Variants in GDPD4 observed in about 807,000 individuals in gnomAD.
The protein encoded by GDPD4 is glycerophosphodiester phosphodiesterase domain containing 4.
Under a neutral mutation model 67.8 loss-of-function variants are expected in GDPD4, and 60 were observed. The observed-to-expected ratio is 0.88, with a 90% CI of 0.72 to 1.10. The LOEUF is 1.10. Among genes scored for constraint, GDPD4 ranks in the 50% least tolerant of loss-of-function variants. The pLI is 0.00. For synonymous variants in GDPD4, 212 were observed against 210.9 expected, an observed-to-expected ratio of 1.00 and a Z score of -0.04; for missense variants, 623 against 613.9, an observed-to-expected ratio of 1.01 and a Z score of -0.16.
rs142446508 is a variant in GDPD4 at position 77,221,551 on chromosome 11, T to A, written c.1526-4237A>T. On this transcript the variant is annotated intron_variant, in intron 16 of 16. Coordinates refer to ENST00000315938, the MANE Select transcript of GDPD4 (RefSeq NM_182833.3). ...ATGTAGTTGAGAGGTTTTGAGTGAG[T>A]TTCTTAATCCTGAGATCTAATTTGA... 1.1e-4 allele frequency among the ~76,000 whole-genome samples: 16 copies of A among 152,304 alleles called. No homozygotes were observed. In the East Asian group the frequency reaches 2.9e-3, roughly 28 times the overall value.
intron 16 of GDPD4, among the ~76,000 whole-genome samples, chr11:77,222,275 T>C (rs1296331283): frequency 5.3e-5 from 8 of 152,248 alleles, no homozygotes; most frequent in Non-Finnish European, 1.2e-4. Context: ...TGATGTTAGC[T>C]GGTTATTTTG....
At chr11:77,222,903 C>G (rs1591524611) in intron 16 of GDPD4, among the ~76,000 whole-genome samples, 1 of 152,196 alleles carries the variant, frequency 6.6e-6, no homozygotes, top group Non-Finnish European at 1.5e-5. Context: ...CACGTAGTCC[C>G]ATATTTCTTG....
At chr11:77,282,053 G>C (rs77882950) in intron 3 of GDPD4, among the ~76,000 whole-genome samples, 2,614 of 152,166 alleles carry the variant, frequency 0.017, 83 homozygotes, top group African/African-American at 0.059. Flanking sequence ...GTATGTGGTT[G>C]GAAAAGTATG....
At chr11:77,264,626 T>C (rs1959169981) in intron 10 of GDPD4, among the ~76,000 whole-genome samples, 1 of 152,100 alleles carries the variant, frequency 6.6e-6, no homozygotes, top group Non-Finnish European at 1.5e-5. Context: ...TTTAAGAAGT[T>C]TGAGGTCCCT....
chr11:77,247,153 A>G (rs1292418454), intron 11 of GDPD4, among the ~76,000 whole-genome samples: 1 of 152,126 alleles, frequency 6.6e-6, no homozygotes, highest in Admixed American at 6.6e-5. Context: ...GCTAGGCCAG[A>G]AGGCAGATCA....
chr11:77,233,892 G>A (rs998901454), intron 13 of GDPD4, among the ~76,000 whole-genome samples: 2 of 152,128 alleles, frequency 1.3e-5, no homozygotes, highest in African/African-American at 4.8e-5. Flanking sequence ...AAAATAGGGG[G>A]AAAACCTAAT....
chr11:77,235,076 G>A (rs1958535295), intron 13 of GDPD4, among the ~76,000 whole-genome samples: 1 of 124,274 alleles, frequency 8.0e-6, no homozygotes, highest in South Asian at 2.6e-4. Flanking sequence ...GTGTGAGATG[G>A]TATCTCATCA....
intron 14 of GDPD4, among the ~76,000 whole-genome samples, chr11:77,230,788 C>A (rs776230708): frequency 6.6e-6 from 1 of 152,194 alleles, no homozygotes; most frequent in East Asian, 1.9e-4. Flanking sequence ...AGCTGTGCCT[C>A]CCTATCAAGA....
intron 5 of GDPD4, 68 bp downstream of exon 5, chr11:77,276,093 G>T: frequency 9.1e-7 from 1 of 1,095,126 alleles, no homozygotes; most frequent in Non-Finnish European, 1.4e-6. Context: ...GTACCAAGGA[G>T]CATGTTCAGG....
rs1029058622 is a variant in GDPD4 at position 77,260,973 on chromosome 11, C to T, written c.708-2431G>A. ...GGAGTCCTAAAAAAGAAGGGAGGTG[C>T]AGAAAAAAACATTTCAAAAAGTAAA... On this transcript the variant is annotated intron_variant, in intron 10 of 16. Transcript: ENST00000315938. 9.2e-5 allele frequency among the ~76,000 whole-genome samples: 14 copies of T among 152,148 alleles called. No individual in the cohort carries two copies. In the East Asian group the frequency reaches 2.7e-3, roughly 29 times the overall value.
intron 11 of GDPD4, among the ~76,000 whole-genome samples, chr11:77,255,243 A>G (rs1958981351): frequency 1.3e-5 from 2 of 152,140 alleles, no homozygotes; most frequent in Non-Finnish European, 2.9e-5. Flanking sequence ...AACATTCAAA[A>G]CTGGAGACAG....
At chr11:77,253,722 C>G (rs1316105590) in intron 11 of GDPD4, among the ~76,000 whole-genome samples, 1 of 152,118 alleles carries the variant, frequency 6.6e-6, no homozygotes, top group Non-Finnish European at 1.5e-5. Context: ...CTGAGCAGCC[C>G]AGGCACCATT....
At chr11:77,296,546 T>C (rs184668184) in intron 1 of GDPD4, among the ~76,000 whole-genome samples, 54 of 151,188 alleles carry the variant, frequency 3.6e-4, no homozygotes, top group African/African-American at 1.1e-3. Context: ...GGTCTTGAAC[T>C]CCTGACCTCA....
chr11:77,300,642 A>C (rs1024744367), intron 1 of GDPD4, among the ~76,000 whole-genome samples: 1 of 152,234 alleles, frequency 6.6e-6, no homozygotes, highest in Admixed American at 6.5e-5. Context: ...ACAAATGCAG[A>C]GTGTACTTTA....
chr11:77,232,934 C>T, intron 14 of GDPD4, 91 bp downstream of exon 14: 1 of 1,185,680 alleles, frequency 8.4e-7, no homozygotes, highest in Non-Finnish European at 1.2e-6. Flanking sequence ...AAGTGGCTGC[C>T]CAGGGGATGG....
intron 15 of GDPD4, 114 bp from the exon 16 acceptor site, chr11:77,228,030 T>C (rs1958377138): frequency 2.2e-5 from 17 of 780,220 alleles, no homozygotes; most frequent in South Asian, 2.1e-4. Flanking sequence ...TACAATCCTA[T>C]AGCATTTGCC....
At chr11:77,229,105 C>A in intron 15 of GDPD4, 45 bp downstream of exon 15, 1 of 877,700 alleles carries the variant, frequency 1.1e-6, no homozygotes, top group South Asian at 1.8e-5. Flanking sequence ...TATAATAATC[C>A]ATTTATTTTG....
At chr11:77,266,453 A>C (rs1959178509) in intron 10 of GDPD4, among the ~76,000 whole-genome samples, 1 of 152,224 alleles carries the variant, frequency 6.6e-6, no homozygotes, top group Admixed American at 6.5e-5. Flanking sequence ...GGATGACAAT[A>C]AACAACTGTT....
chr11:77,260,228 C>T (rs1959085677), intron 10 of GDPD4, among the ~76,000 whole-genome samples: 1 of 151,076 alleles, frequency 6.6e-6, no homozygotes, highest in Admixed American at 6.6e-5. Flanking sequence ...AATGCTTGAA[C>T]CTGGGAGGCG....
Sources: allele counts gnomAD v4.1 joint callset (sites outside exome capture counted in the v4.1 genomes callset), GRCh38; gene constraint gnomAD v4.1.1; transcripts MANE v1.5; gene names NCBI Gene and HGNC (gene_info 2026-07-23, HGNC 2026-07-21).